The following GPR19 variants were observed in gnomAD, a reference collection of about 807,000 sequenced individuals.
GPR19 encodes the protein G protein-coupled receptor 19.
GPR19 carries 14 observed loss-of-function variants against 28.5 expected under a neutral mutation model. The ratio of observed to expected loss-of-function variants is 0.49; its 90% CI spans 0.32 to 0.77. The LOEUF (loss-of-function observed/expected upper bound fraction) is 0.77, where lower values mean the gene tolerates loss of function less well. GPR19 is among the 30% of genes least tolerant of loss of function. The pLI is 0.03. For missense variants in GPR19, 409 were observed against 504.1 expected, an observed-to-expected ratio of 0.81 and a Z score of 1.81; for synonymous variants, 173 against 184.1, an observed-to-expected ratio of 0.94 and a Z score of 0.49.
At chr12:12,714,104 T>G in the GPR19 span, among the ~76,000 whole-genome samples, 1 of 152,170 alleles carries the variant, frequency 6.6e-6, no homozygotes, top group Non-Finnish European at 1.5e-5. Context: ...TCAATAAATA[T>G]TTGTTGAAAG....
intron 2 of GPR19, among the ~76,000 whole-genome samples, chr12:12,692,706 T>G (rs373702290): frequency 2.6e-5 from 4 of 152,110 alleles, no homozygotes; most frequent in African/African-American, 9.6e-5. Flanking sequence ...TTTTTTTGTT[T>G]TTTTTTTTCT....
At chr12:12,697,451 C>T (rs907379507), upstream of GPR19, among the ~76,000 whole-genome samples, 6 of 152,046 alleles carry the variant, frequency 3.9e-5, no homozygotes, top group Non-Finnish European at 7.4e-5. Flanking sequence ...TTTTAATGTG[C>T]TCAAAAAACA....
At chr12:12,682,190 A>C (rs1946032972) in intron 3 of GPR19, among the ~76,000 whole-genome samples, 1 of 152,218 alleles carries the variant, frequency 6.6e-6, no homozygotes, top group South Asian at 2.1e-4. Flanking sequence ...TATGAATGAA[A>C]ATATCAGGAG....
At chr12:12,713,907 C>T in the GPR19 span, among the ~76,000 whole-genome samples, 3 of 152,310 alleles carry the variant, frequency 2.0e-5, no homozygotes, top group East Asian at 5.8e-4. Flanking sequence ...TTCCTTTTCC[C>T]TCTCCGCTTA....
the GPR19 span, among the ~76,000 whole-genome samples, chr12:12,716,154 T>A: frequency 6.6e-6 from 1 of 152,178 alleles, no homozygotes; most frequent in Non-Finnish European, 1.5e-5. Context: ...AAGCCCACAC[T>A]GAGAGAGAAA....
At chr12:12,672,274 C>T (rs575292936) in intron 3 of GPR19, among the ~76,000 whole-genome samples, 1 of 152,212 alleles carries the variant, frequency 6.6e-6, no homozygotes, top group African/African-American at 2.4e-5. Flanking sequence ...GGGTGACCAC[C>T]CCCACGGATG....
intron 3 of GPR19, among the ~76,000 whole-genome samples, chr12:12,681,806 C>A (rs1396810098): frequency 1.3e-5 from 2 of 152,338 alleles, no homozygotes; most frequent in East Asian, 3.9e-4. Context: ...AGGGTGACTA[C>A]TTTAAGCCTT....
intron 2 of GPR19, among the ~76,000 whole-genome samples, chr12:12,690,427 G>T (rs1014705546): frequency 5.3e-5 from 8 of 152,186 alleles, no homozygotes; most frequent in Non-Finnish European, 1.2e-4. Flanking sequence ...CAGAGGAAGT[G>T]CAGGGAAATC....
At chr12:12,679,428 CA>C (rs3080711) in intron 3 of GPR19, among the ~76,000 whole-genome samples, 6,422 of 123,936 alleles carry the variant, frequency 0.052, 196 homozygotes, top group East Asian at 0.2. Context: ...CTGTCTCTAT[CA>C]AAAAAAAAAA....
chr12:12,694,266 TCGGTTCA>T (rs1946230858), intron 2 of GPR19, among the ~76,000 whole-genome samples: 1 of 133,266 alleles, frequency 7.5e-6, no homozygotes, highest in Non-Finnish European at 1.6e-5. Context: ...TGGCGTGATC[TCGGTTCA>T]CTGCAAGCTC....
intron 3 of GPR19, among the ~76,000 whole-genome samples, chr12:12,671,709 G>A (rs1042578593): frequency 6.6e-6 from 1 of 152,132 alleles, no homozygotes; most frequent in African/African-American, 2.4e-5. Context: ...TTCTGCCTAT[G>A]TAGATTTAAG....
At chr12:12,716,063 G>A in the GPR19 span, among the ~76,000 whole-genome samples, 7 of 152,204 alleles carry the variant, frequency 4.6e-5, no homozygotes, top group African/African-American at 1.7e-4. Flanking sequence ...CATGGGGGTG[G>A]GGAGGCAGTT....
the GPR19 span, among the ~76,000 whole-genome samples, chr12:12,708,973 G>A: frequency 3.0e-3 from 463 of 152,070 alleles, 4 homozygotes; most frequent in African/African-American, 0.011. Context: ...TTGAACCCAG[G>A]AGAGGGAGAA....
chr12:12,701,793 T>A, the GPR19 span, among the ~76,000 whole-genome samples: 1 of 151,844 alleles, frequency 6.6e-6, no homozygotes, highest in South Asian at 2.1e-4. Flanking sequence ...TAGCTGGGTG[T>A]GGTGGTGCGT....
At chr12:12,678,893 T>A (rs542563368) in intron 3 of GPR19, among the ~76,000 whole-genome samples, 2 of 152,166 alleles carry the variant, frequency 1.3e-5, no homozygotes, top group Non-Finnish European at 2.9e-5. Context: ...GCCTCCTGGG[T>A]TGGAGAGATT....
chr12:12,716,164 A>G, the GPR19 span, among the ~76,000 whole-genome samples: 2 of 152,178 alleles, frequency 1.3e-5, no homozygotes, highest in African/African-American at 2.4e-5. Context: ...TGAGAGAGAA[A>G]TTTCCAGCTG....
chr12:12,704,252 A>C, the GPR19 span, among the ~76,000 whole-genome samples: 1 of 152,248 alleles, frequency 6.6e-6, no homozygotes, highest in Non-Finnish European at 1.5e-5. Context: ...CTGTAATCCC[A>C]GCACTTTGGG....
chr12:12,671,618 T>A (rs1945856408), intron 3 of GPR19, among the ~76,000 whole-genome samples: 1 of 152,178 alleles, frequency 6.6e-6, no homozygotes, highest in South Asian at 2.1e-4. Flanking sequence ...AATTTTTTTT[T>A]AAACAGAGAT....
chr12:12,697,515 T>C (rs1164094745), upstream of GPR19, among the ~76,000 whole-genome samples: 1 of 152,222 alleles, frequency 6.6e-6, no homozygotes, highest in Non-Finnish European at 1.5e-5. Flanking sequence ...ATCTTAGAGC[T>C]GGATAAGAGC....
Sources: gnomAD v4.1 joint callset for allele counts (sites outside exome capture counted in the v4.1 genomes callset) on GRCh38, gnomAD v4.1.1 for gene constraint, MANE v1.5 for transcripts, NCBI Gene and HGNC (gene_info 2026-07-23, HGNC 2026-07-21) for gene names.